SCFD2: variants seen among roughly 807,000 people sequenced by gnomAD.
SCFD2 encodes sec1 family domain-containing protein 2.
Under a neutral mutation model 58.9 loss-of-function variants are expected in SCFD2, and 54 were observed. That is an observed-to-expected ratio of 0.92 (90% confidence interval 0.74 to 1.15). The LOEUF is 1.15. Ranked by LOEUF, SCFD2 falls within the 50% of genes most tolerant of loss-of-function variation. The pLI, the probability that SCFD2 is intolerant of heterozygous loss-of-function variation, is 0.00. For synonymous variants in SCFD2, 321 were observed against 335.9 expected, an observed-to-expected ratio of 0.96 and a Z score of 0.49; for missense variants, 805 against 836.6, an observed-to-expected ratio of 0.96 and a Z score of 0.47.
chr4:53,323,650 G>C (rs554165241), intron 2 of SCFD2, among the ~76,000 whole-genome samples: 2 of 150,854 alleles, frequency 1.3e-5, no homozygotes, highest in Non-Finnish European at 2.9e-5. Context: ...GAAATACTGG[G>C]ATAACAGGCA....
At chr4:53,330,127 C>T (rs187656688) in intron 2 of SCFD2, among the ~76,000 whole-genome samples, 118 of 152,264 alleles carry the variant, frequency 7.7e-4, no homozygotes, top group African/African-American at 2.4e-3. Flanking sequence ...GATTGCTGTA[C>T]CTGAAAGTGA....
chr4:53,270,985 A>G (rs1731144306), intron 4 of SCFD2, among the ~76,000 whole-genome samples: 1 of 152,176 alleles, frequency 6.6e-6, no homozygotes, highest in African/African-American at 2.4e-5. Flanking sequence ...TCATCTCACA[A>G]AACAAGATAT....
rs546907708 is a variant in SCFD2, at chr4:53,275,472, T to A, written c.1136-1471A>T. Among the ~76,000 whole-genome samples, 4 of 152,262 alleles carry A rather than the reference T, an allele frequency of 2.6e-5. No homozygotes were observed. In the East Asian group the frequency reaches 7.7e-4, roughly 29 times the overall value. On this transcript the variant is annotated intron_variant, in intron 3 of 8. Coordinates refer to ENST00000401642, the MANE Select transcript of SCFD2 (RefSeq NM_152540.4). ...AACAATCTGCTTGCTCAAGTACTCA[T>A]AGAAAAAAACCTCATTAATACTTTG...
intron 5 of SCFD2, among the ~76,000 whole-genome samples, chr4:53,074,686 G>C (rs1376440865): frequency 6.6e-6 from 1 of 152,070 alleles, no homozygotes; most frequent in Non-Finnish European, 1.5e-5. Flanking sequence ...GAGCTCTTGG[G>C]TTACTAGGTG....
At chr4:53,145,106 TTTCATCA>T (rs1396897251) in intron 5 of SCFD2, among the ~76,000 whole-genome samples, 2 of 151,956 alleles carry the variant, frequency 1.3e-5, no homozygotes, top group East Asian at 3.9e-4. Flanking sequence ...GGTGGAACGG[TTTCATCA>T]TGAAACCATG....
At chr4:53,230,105 T>C (rs1205307576) in intron 4 of SCFD2, among the ~76,000 whole-genome samples, 41 of 152,062 alleles carry the variant, frequency 2.7e-4, no homozygotes, top group Admixed American at 2.6e-3. Context: ...TGGCGATCAT[T>C]AAAAAGTCAG....
At chr4:53,352,089 C>A (rs571549986) in intron 2 of SCFD2, among the ~76,000 whole-genome samples, 1 of 152,082 alleles carries the variant, frequency 6.6e-6, no homozygotes, top group Non-Finnish European at 1.5e-5. Flanking sequence ...TTTTTAAACT[C>A]TGCATAACAA....
intron 4 of SCFD2, among the ~76,000 whole-genome samples, chr4:53,161,776 C>T (rs779217444): frequency 2.6e-5 from 4 of 152,256 alleles, no homozygotes; most frequent in Admixed American, 6.5e-5. Context: ...ACTAGTCATT[C>T]GTCTTTATCT....
At chr4:53,161,695 G>A (rs1187590516) in intron 4 of SCFD2, among the ~76,000 whole-genome samples, 5 of 152,272 alleles carry the variant, frequency 3.3e-5, no homozygotes, top group South Asian at 4.2e-4. Flanking sequence ...ATGAAACAAG[G>A]GACAAGTGAC....
intron 5 of SCFD2, among the ~76,000 whole-genome samples, chr4:53,077,706 A>T (rs553749473): frequency 6.6e-6 from 1 of 152,210 alleles, no homozygotes; most frequent in East Asian, 1.9e-4. Flanking sequence ...CCAAAGTGCT[A>T]GGATTACAGG....
chr4:53,248,624 C>T lies in SCFD2; in HGVS notation c.1311+25202G>A, dbSNP rs556206512. Among the ~76,000 whole-genome samples, 41 of 152,320 alleles carry T rather than the reference C, an allele frequency of 2.7e-4. 1 individual carries two copies. In the South Asian group the frequency reaches 3.5e-3, roughly 13 times the overall value. ...AAGTGGGTCCCTGACCCCTGACCCC[C>T]GAGCAGCCTAAGTGGGAGACACCCC... On this transcript the variant is annotated intron_variant, in intron 4 of 8. Transcript: ENST00000401642.
intron 3 of SCFD2, among the ~76,000 whole-genome samples, chr4:53,276,040 G>A (rs1230711275): frequency 6.6e-6 from 1 of 151,990 alleles, no homozygotes; most frequent in African/African-American, 2.4e-5. Context: ...GTGTGTGTGT[G>A]TGTATACATA....
At chr4:53,340,208 T>C (rs1449759267) in intron 2 of SCFD2, among the ~76,000 whole-genome samples, 3 of 152,154 alleles carry the variant, frequency 2.0e-5, no homozygotes, top group Non-Finnish European at 4.4e-5. Flanking sequence ...GGGAATTCCC[T>C]AACCAAGGGA....
intron 4 of SCFD2, among the ~76,000 whole-genome samples, chr4:53,247,560 T>TA (rs959554958): frequency 1.3e-5 from 2 of 151,956 alleles, no homozygotes; most frequent in Non-Finnish European, 2.9e-5. Flanking sequence ...TATGCAGCCA[T>TA]AAAAAATAAC....
intron 5 of SCFD2, among the ~76,000 whole-genome samples, chr4:52,952,199 A>T (rs1351312648): frequency 6.7e-6 from 1 of 148,484 alleles, no homozygotes; most frequent in Non-Finnish European, 1.5e-5. Context: ...GCCCAAAGCC[A>T]CTCCCTACCA....
intron 2 of SCFD2, among the ~76,000 whole-genome samples, chr4:53,333,176 A>G (rs1446278555): frequency 2.4e-4 from 33 of 137,988 alleles, no homozygotes; most frequent in Admixed American, 1.5e-4. Flanking sequence ...ATACTGCCCA[A>G]GGTAATTTAC....
At chr4:52,886,322 G>A (rs937490913) in intron 7 of SCFD2, among the ~76,000 whole-genome samples, 5 of 152,126 alleles carry the variant, frequency 3.3e-5, no homozygotes, top group African/African-American at 1.2e-4. Flanking sequence ...ACCTGACTTC[G>A]GTTGGGGGAC....
In SCFD2 at chr4:52,873,449, T is replaced by G. The variant is rs1302499506; in HGVS notation, c.*520A>C. On this transcript the variant is annotated 3_prime_UTR_variant, in exon 9 of 9. Transcript: ENST00000401642. ...GCCCCAGACACTACCCCTCCCTTCC[T>G]TGCCTTTTCAGAAATGTTTCAGAGC... The G allele has an allele frequency of 6.5e-6, 1 of 153,934 alleles. No individual in the cohort carries two copies. The highest frequency in any genetic ancestry group is 1.9e-4 in the East Asian group (1 of 5,270). The allele number at this position is 153,934 out of a possible 1,614,324, so 9.5% of individuals were successfully genotyped here. A position where few individuals can be genotyped will look rare whatever the true frequency, so the allele number is the denominator to read the frequency against.
intron 7 of SCFD2, among the ~76,000 whole-genome samples, chr4:52,895,366 C>T (rs965625705): frequency 5.9e-5 from 9 of 152,138 alleles, no homozygotes; most frequent in Non-Finnish European, 8.8e-5. Flanking sequence ...GTTCCCCTTC[C>T]TGTGTCCTTG....
Sources: allele counts gnomAD v4.1 joint callset (sites outside exome capture counted in the v4.1 genomes callset), GRCh38; gene constraint gnomAD v4.1.1; transcripts MANE v1.5; gene names NCBI Gene and HGNC (gene_info 2026-07-23, HGNC 2026-07-21).